CCNB1: variants seen among roughly 807,000 people sequenced by gnomAD.
CCNB1 encodes the protein cyclin B1.
Under a neutral mutation model 44.4 loss-of-function variants are expected in CCNB1, and 26 were observed. The ratio of observed to expected loss-of-function variants is 0.59; its 90% CI spans 0.43 to 0.81. The LOEUF (loss-of-function observed/expected upper bound fraction) is 0.81, where lower values mean the gene tolerates loss of function less well. CCNB1 is among the 40% of genes least tolerant of loss of function. The probability of loss-of-function intolerance (pLI) is 0.00; values close to 1 mark genes in which losing one functional copy is unlikely to be tolerated. For missense variants in CCNB1, 477 were observed against 520.9 expected (o/e 0.92, Z 0.82); for synonymous variants, 195 against 181.4 (o/e 1.08, Z -0.60).
rs1401686068 is a variant in CCNB1, at chr5:69,177,290, G to T, written c.1135G>T (p.Val379Phe). 1 of 1,613,532 alleles carries T rather than the reference G, an allele frequency of 6.2e-7. No homozygotes were observed. Among genetic ancestry groups the T allele is most frequent in the South Asian group, 1.1e-5 (1 of 91,046 alleles). The change falls in exon 8 of 9, where the codon GTT (valine) becomes TTT (phenylalanine). Residue 379 changes from valine (V) to phenylalanine (F), a missense_variant. Physicochemically the swap from Val to Phe is conservative, Grantham distance 50. Transcript: ENST00000256442. ...ATATACTGAAGAATCTCTTCTTCCA[G>T]TTATGCAGCACCTGGCTAAGAATGT... ...LSYTEESLLPVMQHLAKNVVM... is the reference protein window; with the variant it reads ...LSYTEESLLPFMQHLAKNVVM...
rs144405436 is a variant in CCNB1 at position 69,167,159 on chromosome 5, C to T, written c.-104C>T. On this transcript the variant is annotated 5_prime_UTR_variant, in exon 1 of 9. Transcript: ENST00000256442. ...TAGGCTGGCTCTTCTCGGCGTGCTG[C>T]GGCGGAACGGCTGTTGGTTTCTGCT... 4.3e-5 allele frequency: 40 copies of T among 936,314 alleles called. No individual in the cohort carries two copies. Among genetic ancestry groups the T allele is most frequent in the Middle Eastern group, 3.5e-4 (1 of 2,820 alleles). The allele number at this position is 936,314 out of a possible 1,614,324, so 58.0% of individuals were successfully genotyped here. A position where few individuals can be genotyped will look rare whatever the true frequency, so the allele number is the denominator to read the frequency against.
At position 69,168,114 on chromosome 5, in the gene CCNB1, C is replaced by T. The variant is rs139043163; in HGVS notation, c.192+36C>T. 3,296 of 1,610,464 alleles carry T rather than the reference C, an allele frequency of 2.0e-3. 27 individuals are homozygous for T. The highest frequency in any genetic ancestry group is 0.017 in the South Asian group (1,582 of 90,878). On this transcript the variant is annotated intron_variant, in intron 2 of 8. Transcript: ENST00000256442. The stretch of plus-strand genomic sequence containing the variant: ...TCCTGACCTAACTTCTGTAAGAGCC[C>T]GCCTTCCAACTGTGGCCTTTGATGC...
intron 5 of CCNB1, 55 bp downstream of exon 5, chr5:69,174,464 AC>A: frequency 6.4e-7 from 1 of 1,566,434 alleles, no homozygotes; most frequent in South Asian, 1.1e-5. Context: ...GTCATAAGAA[AC>A]TGATGTTTTC....
Position 69,175,013 on chromosome 5 carries a change from A to G in CCNB1, c.842A>G (p.Gln281Arg), listed in dbSNP as rs961709268. 6.2e-7 allele frequency: 1 copy of G among 1,614,228 alleles called. No homozygotes were observed. Among genetic ancestry groups the G allele is most frequent in the South Asian group, 1.1e-5 (1 of 91,086 alleles). Reference sequence around the variant, plus strand: ...ACTGACAACACTTATACTAAGCACCAAATCAGACAGATGGAAATGAAGATT... The same window carrying G: ...ACTGACAACACTTATACTAAGCACCGAATCAGACAGATGGAAATGAAGATT... ...FVTDNTYTKH[Q>R]IRQMEMKILR... The change falls in exon 6 of 9, where the codon CAA (glutamine) becomes CGA (arginine). Residue 281 changes from glutamine to arginine, a missense_variant. Gln to Arg is a conservative substitution (Grantham distance 43). Coordinates refer to ENST00000256442, the MANE Select transcript of CCNB1 (RefSeq NM_031966.4).
chr5:69,168,261 T>G lies in CCNB1; in HGVS notation c.281T>G (p.Val94Gly). The G allele has an allele frequency of 6.2e-7, 1 of 1,614,086 alleles. No individual in the cohort carries two copies. The change falls in exon 3 of 9, where the codon GTG becomes GGG. Residue 94 changes from valine (V) to glycine (G), a missense_variant. By Grantham distance (109) the Val-to-Gly change is moderately radical. Coordinates refer to ENST00000256442, the MANE Select transcript of CCNB1 (RefSeq NM_031966.4). Reference protein sequence around the residue: ...EKVPMLVPVPVSEPVPEPEPE... With the variant: ...EKVPMLVPVPGSEPVPEPEPE... Reference sequence around the variant, plus strand: ...GTACCTATGCTGGTGCCAGTGCCAGTGTCTGAGCCAGTGCCAGAGCCAGAA... The same window carrying G: ...GTACCTATGCTGGTGCCAGTGCCAGGGTCTGAGCCAGTGCCAGAGCCAGAA...
intron 4 of CCNB1, among the ~76,000 whole-genome samples, chr5:69,173,684 C>G (rs538439138): frequency 6.6e-6 from 1 of 152,202 alleles, no homozygotes; most frequent in South Asian, 2.1e-4. Context: ...GGGAGTGGAC[C>G]AGCAGCAGTT....
At chr5:69,171,936 G>A (rs1377434887) in intron 4 of CCNB1, among the ~76,000 whole-genome samples, 1 of 152,126 alleles carries the variant, frequency 6.6e-6, no homozygotes, top group Non-Finnish European at 1.5e-5. Flanking sequence ...TACTTTTTTG[G>A]TTCACTTCAA....
intron 3 of CCNB1, among the ~76,000 whole-genome samples, chr5:69,170,658 T>G (rs1023926470): frequency 9.2e-5 from 14 of 152,000 alleles, no homozygotes; most frequent in Non-Finnish European, 1.9e-4. Flanking sequence ...TCACTGTTTT[T>G]TTTTTTGCCC....
rs748035379 is a variant in CCNB1 at position 69,168,002 on chromosome 5, T to G, written c.116T>G (p.Leu39Arg). The part of the protein sequence containing the change: ...TAPAATSKPG[L>R]RPRTALGDIG... The stretch of plus-strand genomic sequence containing the variant: ...CCTGCTGCAACCTCCAAGCCCGGAC[T>G]GAGGCCAAGAACAGCTCTTGGGGAC... Residue 39 changes from leucine to arginine, a missense_variant, in exon 2 of 9, where the codon CTG becomes CGG. Transcript: ENST00000256442. 3.1e-6 allele frequency: 5 copies of G among 1,614,210 alleles called. No individual in the cohort carries two copies. Among genetic ancestry groups the G allele is most frequent in the Non-Finnish European group, 4.2e-6 (5 of 1,180,042 alleles).
At position 69,168,196 on chromosome 5, in the gene CCNB1, A is replaced by G. The variant is rs752484310; in HGVS notation, c.216A>G (p.Gly72=). The change falls in exon 3 of 9, where the codon GGA becomes GGG. Residue 72 remains glycine (G), a synonymous_variant. Coordinates refer to ENST00000256442, the MANE Select transcript of CCNB1 (RefSeq NM_031966.4). ...AGGAAGCAAAACCTTCAGCTACTGG[A>G]AAAGTCATTGATAAAAAACTACCAA... ...MKKEAKPSAT[G]KVIDKKLPKP... 2.5e-6 allele frequency: 4 copies of G among 1,614,048 alleles called. No individual in the cohort carries two copies. Among genetic ancestry groups the G allele is most frequent in the Non-Finnish European group, 3.4e-6 (4 of 1,180,030 alleles).
intron 3 of CCNB1, among the ~76,000 whole-genome samples, chr5:69,170,577 C>T (rs981101381): frequency 6.6e-6 from 1 of 151,976 alleles, no homozygotes; most frequent in Non-Finnish European, 1.5e-5. Flanking sequence ...TCTCAGTTTC[C>T]TTTGCAGCAA....
rs541771012 is a variant in CCNB1, at chr5:69,171,346, C to G, written c.440C>G (p.Ser147Cys). The G allele has an allele frequency of 3.7e-6, 6 of 1,614,102 alleles. No individual in the cohort carries two copies. The highest frequency in any genetic ancestry group is 1.7e-5 in the Admixed American group (1 of 60,010). ...PAEEDLCQAF[S>C]DVILAVNDVD... The stretch of plus-strand genomic sequence containing the variant: ...GAAGAAGACCTGTGTCAGGCTTTCT[C>G]TGATGTAATTCTTGCAGTAAATGAT... The change falls in exon 4 of 9, where the codon TCT becomes TGT. Residue 147 changes from serine to cysteine, a missense_variant. Physicochemically the swap from Ser to Cys is moderately radical, Grantham distance 112. Transcript: ENST00000256442.
At chr5:69,174,720 A>G (rs142391678) in intron 5 of CCNB1, among the ~76,000 whole-genome samples, 157 bp from the exon 6 acceptor site, 1 of 151,864 alleles carries the variant, frequency 6.6e-6, no homozygotes, top group East Asian at 1.9e-4. Flanking sequence ...AAAAAAAAAG[A>G]AAGAAATAAA....
chr5:69,170,653 G>GTT (rs768453179), intron 3 of CCNB1, among the ~76,000 whole-genome samples: 6 of 145,220 alleles, frequency 4.1e-5, no homozygotes, highest in Admixed American at 2.1e-4. Context: ...GCATTTCACT[G>GTT]TTTTTTTTTT....
chr5:69,173,627 C>T (rs1180285905), intron 4 of CCNB1, among the ~76,000 whole-genome samples: 1 of 152,038 alleles, frequency 6.6e-6, no homozygotes, highest in Admixed American at 6.6e-5. Context: ...AGTTTAGAGG[C>T]TTAAGTGAAA....
In CCNB1 at chr5:69,168,152, TTCTC is replaced by T. The variant is rs752181166; in HGVS notation, c.193-17_193-14del. ...TGGCCTTTGATGCAGAAACATTTCA[TTCTC>T]TCTGTTTCATCTACAGGAAGCAAAA... On this transcript the variant is annotated splice_polypyrimidine_tract_variant and intron_variant, in intron 2 of 8. Coordinates refer to ENST00000256442, the MANE Select transcript of CCNB1 (RefSeq NM_031966.4). The T allele has an allele frequency of 1.3e-4, 212 of 1,612,144 alleles. 2 individuals carry two copies. The highest frequency in any genetic ancestry group is 6.9e-4 in the Admixed American group (41 of 59,850).
Position 69,168,470 on chromosome 5 carries a change from A to G in CCNB1, c.363+127A>G, listed in dbSNP as rs1369151879. 5 of 1,077,006 alleles carry G rather than the reference A, an allele frequency of 4.6e-6. 1 individual carries two copies. In the Admixed American group the frequency reaches 8.2e-5, roughly 18 times the overall value. The allele number at this position is 1,077,006 out of a possible 1,614,324, so 66.7% of individuals were successfully genotyped here. On this transcript the variant is annotated intron_variant, in intron 3 of 8. Transcript: ENST00000256442. ...TTTATTGAGTGCTTAGCATGAGGCA[A>G]GCTCTGCCTAACATTTTACATGCAT...
intron 3 of CCNB1, among the ~76,000 whole-genome samples, chr5:69,169,638 C>A (rs952053530): frequency 3.3e-5 from 5 of 151,968 alleles, no homozygotes; most frequent in African/African-American, 4.8e-5. Context: ...ATCTCCACCC[C>A]CTGTTCCTAG....
intron 3 of CCNB1, among the ~76,000 whole-genome samples, chr5:69,169,720 T>C (rs1747416790): frequency 6.6e-6 from 1 of 152,132 alleles, no homozygotes. Flanking sequence ...TGGTGCCATC[T>C]TGGCTCACCA....
Sources: allele counts gnomAD v4.1 joint callset (sites outside exome capture counted in the v4.1 genomes callset), GRCh38; gene constraint gnomAD v4.1.1; transcripts MANE v1.5; gene names NCBI Gene and HGNC (gene_info 2026-07-23, HGNC 2026-07-21).